The following ZNF407 variants were observed in gnomAD, a reference collection of about 807,000 sequenced individuals.
ZNF407 encodes zinc finger protein 407.
Under a neutral mutation model 131.2 loss-of-function variants are expected in ZNF407, and 17 were observed. The ratio of observed to expected loss-of-function variants is 0.13; its 90% CI spans 0.09 to 0.19. The LOEUF (loss-of-function observed/expected upper bound fraction) is 0.19. Among genes scored for constraint, ZNF407 ranks in the 10% least tolerant of loss-of-function variants. ZNF407 has a pLI of 1.00. For synonymous variants in ZNF407, 1,156 were observed against 1,062.0 expected (o/e 1.09, Z -1.72); for missense variants, 2,681 against 2,830.6 (o/e 0.95, Z 1.20).
chr18:74,832,080 T>G (rs1440161134), intron 4 of ZNF407, among the ~76,000 whole-genome samples: 1 of 152,064 alleles, frequency 6.6e-6, no homozygotes, highest in Non-Finnish European at 1.5e-5. Context: ...AGTTGGAGAG[T>G]CTTCATGTGG....
chr18:74,937,319 A>G (rs1019132911), intron 8 of ZNF407, among the ~76,000 whole-genome samples: 2 of 152,204 alleles, frequency 1.3e-5, no homozygotes, highest in Non-Finnish European at 2.9e-5. Context: ...AGTATCATTT[A>G]ATTTTCAGAA....
At chr18:74,882,700 A>G (rs897254420) in intron 6 of ZNF407, among the ~76,000 whole-genome samples, 43 of 152,208 alleles carry the variant, frequency 2.8e-4, no homozygotes, top group African/African-American at 9.9e-4. Flanking sequence ...TTTTAAGTGT[A>G]TAGAAGCCAC....
At chr18:74,640,067 A>AT (rs1273192605) in intron 2 of ZNF407, among the ~76,000 whole-genome samples, 2 of 152,154 alleles carry the variant, frequency 1.3e-5, no homozygotes, top group Non-Finnish European at 2.9e-5. Flanking sequence ...AAACGTACTG[A>AT]TTTTAAACTG....
chr18:74,694,391 T>C (rs1159645930), intron 3 of ZNF407, among the ~76,000 whole-genome samples: 1 of 152,114 alleles, frequency 6.6e-6, no homozygotes, highest in Non-Finnish European at 1.5e-5. Context: ...TCTTGGAATT[T>C]GATCAATTCC....
chr18:74,631,717 A>G lies in ZNF407; in HGVS notation c.698A>G (p.His233Arg), dbSNP rs770623421. ...GAGAGCAGCTCAGCACTACATATGC[A>G]TATCAAACAAGCACATGGGCCACAG... is the stretch of plus-strand genomic sequence containing the variant. ...KAESSSALHMHIKQAHGPQKV... is the reference protein window; with the variant it reads ...KAESSSALHMRIKQAHGPQKV... Residue 233 changes from histidine to arginine, a missense_variant, in exon 2 of 9, where the codon CAT becomes CGT. By Grantham distance (29) the His-to-Arg change is conservative. Around this residue, in one of 6 missense-constraint regions of ZNF407, gnomAD observed 1,789 missense variants for 1,748.7 expected, o/e 1.02. Coordinates refer to ENST00000299687, the MANE Select transcript of ZNF407 (RefSeq NM_017757.3). 3 of 1,613,890 alleles carry G rather than the reference A, an allele frequency of 1.9e-6. No individual in the cohort carries two copies. Among genetic ancestry groups the G allele is most frequent in the Middle Eastern group, 1.6e-4 (1 of 6,084 alleles).
At chr18:74,856,344 G>A (rs1970858800) in intron 4 of ZNF407, among the ~76,000 whole-genome samples, 1 of 152,054 alleles carries the variant, frequency 6.6e-6, no homozygotes, top group African/African-American at 2.4e-5. Flanking sequence ...AAACTTCATG[G>A]GTTTGCCCCT....
In ZNF407 at chr18:74,676,597, C is replaced by T. The variant is rs563400038; in HGVS notation, c.4802+35475C>T. Reference sequence around the variant, plus strand: ...GACTACAGGCGCCCACCACCGTGCCCGGGTAATTTTGTATTTTTAGTAGAG... The same window carrying T: ...GACTACAGGCGCCCACCACCGTGCCTGGGTAATTTTGTATTTTTAGTAGAG... On this transcript the variant is annotated intron_variant, in intron 3 of 8. Transcript: ENST00000299687. Among the ~76,000 whole-genome samples the T allele has an allele frequency of 6.9e-3, 973 of 140,560 alleles. 7 individuals carry two copies. The highest frequency in any genetic ancestry group is 0.02 in the African/African-American group (753 of 38,154). The allele number at this position is 140,560 out of a possible 152,430, so 92.2% of individuals were successfully genotyped here.
intron 8 of ZNF407, among the ~76,000 whole-genome samples, chr18:75,055,843 C>T (rs2122276998): frequency 6.6e-6 from 1 of 152,182 alleles, no homozygotes; most frequent in Admixed American, 6.5e-5. Flanking sequence ...TAAATTTTTG[C>T]CCTGGTTTAT....
rs1190504485 is a variant in ZNF407, at chr18:74,719,278, T to G, written c.4803-62150T>G. Among the ~76,000 whole-genome samples, 3 of 152,318 alleles carry G rather than the reference T, an allele frequency of 2.0e-5. No individual in the cohort carries two copies. In the South Asian group the frequency reaches 6.2e-4, roughly 32 times the overall value. On this transcript the variant is annotated intron_variant, in intron 3 of 8. Coordinates refer to ENST00000299687, the MANE Select transcript of ZNF407 (RefSeq NM_017757.3). The stretch of plus-strand genomic sequence containing the variant: ...GGTGTAGAACACTAGAAAGAGTTCC[T>G]CCTGTCTGGCTGTAATTTTGTATCC...
intron 8 of ZNF407, among the ~76,000 whole-genome samples, chr18:74,959,988 T>G (rs1333116286): frequency 6.6e-6 from 1 of 152,250 alleles, no homozygotes; most frequent in Non-Finnish European, 1.5e-5. Context: ...TATAACTCAT[T>G]TAACCAGTTA....
chr18:74,761,115 AATTTT>A, intron 3 of ZNF407, among the ~76,000 whole-genome samples: 1 of 152,248 alleles, frequency 6.6e-6, no homozygotes, highest in African/African-American at 2.4e-5. Context: ...AAATACAAAC[AATTTT>A]ATTTTAAACT....
At chr18:74,736,810 C>A (rs767822949) in intron 3 of ZNF407, among the ~76,000 whole-genome samples, 1 of 152,100 alleles carries the variant, frequency 6.6e-6, no homozygotes, top group African/African-American at 2.4e-5. Flanking sequence ...ATTAAATAAA[C>A]GTTCTCATTT....
At chr18:75,016,920 G>T (rs1367909850) in intron 8 of ZNF407, among the ~76,000 whole-genome samples, 1 of 152,092 alleles carries the variant, frequency 6.6e-6, no homozygotes, top group Non-Finnish European at 1.5e-5. Context: ...CCAAGTTGCA[G>T]GATTTTATCT....
intron 8 of ZNF407, among the ~76,000 whole-genome samples, chr18:74,927,130 T>C (rs1971924693): frequency 6.6e-6 from 1 of 152,254 alleles, no homozygotes; most frequent in Non-Finnish European, 1.5e-5. Flanking sequence ...AACTTTTCTC[T>C]ACACCATTGA....
At chr18:75,033,170 TG>T (rs1458847172) in intron 8 of ZNF407, among the ~76,000 whole-genome samples, 2 of 110,822 alleles carry the variant, frequency 1.8e-5, no homozygotes, top group African/African-American at 7.2e-5. Flanking sequence ...CTGCTCAGAA[TG>T]GGGGGAAGAC....
chr18:74,715,918 T>C (rs992275061), intron 3 of ZNF407, among the ~76,000 whole-genome samples: 1 of 152,208 alleles, frequency 6.6e-6, no homozygotes, highest in Admixed American at 6.5e-5. Context: ...GTTTCTTGTC[T>C]CTTTTCCCAT....
chr18:75,058,433 T>A (rs1973587054), intron 8 of ZNF407, among the ~76,000 whole-genome samples: 1 of 152,222 alleles, frequency 6.6e-6, no homozygotes. Flanking sequence ...TGCATTTTAA[T>A]GTCACTGTGC....
At chr18:74,611,779 T>G (rs1289780897) in intron 1 of ZNF407, among the ~76,000 whole-genome samples, 2 of 152,164 alleles carry the variant, frequency 1.3e-5, no homozygotes, top group Non-Finnish European at 2.9e-5. Context: ...GGAACTTGTT[T>G]GAAATGCAGA....
rs140337707 is a variant in ZNF407, at chr18:74,613,014, A to T, written c.-54+15077A>T. ...TTAAACTAGCATACATGACTTTATC[A>T]TTCTAGGAGATTACTAGCCCTTAAA... On this transcript the variant is annotated intron_variant, in intron 1 of 8. Coordinates refer to ENST00000299687, the MANE Select transcript of ZNF407 (RefSeq NM_017757.3). Among the ~76,000 whole-genome samples, 5 of 152,320 alleles carry T rather than the reference A, an allele frequency of 3.3e-5. No individual in the cohort carries two copies. In the East Asian group the frequency reaches 9.6e-4, roughly 29 times the overall value.
Sources: gnomAD v4.1 joint callset for allele counts (sites outside exome capture counted in the v4.1 genomes callset) on GRCh38, gnomAD v4.1.1 for gene constraint, gnomAD v4.1.1 regional missense constraint, MANE v1.5 for transcripts, NCBI Gene and HGNC (gene_info 2026-07-23, HGNC 2026-07-21) for gene names.